The following ANKRD44 variants were observed in gnomAD, a reference collection of about 807,000 sequenced individuals.
ANKRD44 encodes the protein serine/threonine-protein phosphatase 6 regulatory ankyrin repeat subunit B.
Under a neutral mutation model 116.0 loss-of-function variants are expected in ANKRD44, and 35 were observed. The observed-to-expected ratio is 0.30, with a 90% CI of 0.23 to 0.40. ANKRD44 has a LOEUF of 0.40. ANKRD44 is among the 10% of genes least tolerant of loss of function. ANKRD44 has a pLI of 1.00. For missense variants in ANKRD44, 1,014 were observed against 1,242.6 expected, an observed-to-expected ratio of 0.82 and a Z score of 2.77; for synonymous variants, 435 against 461.8, an observed-to-expected ratio of 0.94 and a Z score of 0.74.
rs1268575633 is a variant in ANKRD44, at chr2:196,988,780, A to T, written c.*811T>A. 4 of 985,220 alleles carry T rather than the reference A, an allele frequency of 4.1e-6. No individual in the cohort carries two copies. Among genetic ancestry groups the T allele is most frequent in the East Asian group, 1.1e-4 (1 of 8,824 alleles). The allele number at this position is 985,220 out of a possible 1,614,324, so 61.0% of individuals were successfully genotyped here. Reference sequence around the variant, plus strand: ...GTAGAAAATAGCACTTGAGCTGGTGATTTTTATTTCTCCTTTTGGCACATG... The same window carrying T: ...GTAGAAAATAGCACTTGAGCTGGTGTTTTTTATTTCTCCTTTTGGCACATG... On this transcript the variant is annotated 3_prime_UTR_variant, in exon 28 of 28. Transcript: ENST00000282272.
intron 17 of ANKRD44, among the ~76,000 whole-genome samples, chr2:197,020,903 C>G (rs1339817696): frequency 6.6e-6 from 1 of 151,774 alleles, no homozygotes. Flanking sequence ...CACCCATTAA[C>G]TCTTCATTTA....
chr2:197,151,435 C>T (rs898174907), intron 2 of ANKRD44, among the ~76,000 whole-genome samples: 1 of 152,152 alleles, frequency 6.6e-6, no homozygotes, highest in African/African-American at 2.4e-5. Context: ...AACACCCCCA[C>T]TATTTTTGAA....
At chr2:197,090,356 G>C (rs147283932) in intron 10 of ANKRD44, among the ~76,000 whole-genome samples, 111 of 152,228 alleles carry the variant, frequency 7.3e-4, no homozygotes, top group Middle Eastern at 6.8e-3. Flanking sequence ...CTTGGTGATT[G>C]TATGTCTCAT....
At chr2:196,996,797 G>A (rs1275004784) in intron 25 of ANKRD44, among the ~76,000 whole-genome samples, 9 of 151,668 alleles carry the variant, frequency 5.9e-5, no homozygotes, top group African/African-American at 1.9e-4. Context: ...CCAGCTACTC[G>A]GGTGGCTGAG....
chr2:197,310,033 C>G (rs968273404), intron 1 of ANKRD44, among the ~76,000 whole-genome samples: 1 of 152,244 alleles, frequency 6.6e-6, no homozygotes, highest in Admixed American at 6.5e-5. Context: ...GGGTCCCCAT[C>G]CCGCACCACG....
In ANKRD44 at chr2:197,008,964, A is replaced by G. The variant is rs182475318; in HGVS notation, c.1992T>C (p.Asp664=). 6 of 1,614,172 alleles carry G rather than the reference A, an allele frequency of 3.7e-6. No individual in the cohort carries two copies. In the Admixed American group the frequency reaches 6.7e-5, roughly 18 times the overall value. ...LEIADNPEAV[D]VKDAKGQTPL... is the part of the protein sequence containing the mutation. ...CTTACTGTCCTTTGGCATCTTTCAC[A>G]TCGACCGCCTCCGGGTTGTCTGCAA... The change falls in exon 19 of 28, where the codon GAT becomes GAC. Residue 664 remains aspartate (D), a synonymous_variant. Transcript: ENST00000282272.
chr2:197,265,515 G>T (rs2082719964), intron 1 of ANKRD44, among the ~76,000 whole-genome samples: 2 of 152,218 alleles, frequency 1.3e-5, no homozygotes, highest in South Asian at 4.1e-4. Flanking sequence ...CCAAAGTGCT[G>T]GGATTACAGG....
At chr2:197,278,921 G>C (rs1331713802) in intron 1 of ANKRD44, among the ~76,000 whole-genome samples, 1 of 152,206 alleles carries the variant, frequency 6.6e-6, no homozygotes, top group African/African-American at 2.4e-5. Flanking sequence ...AGTCAGAGAA[G>C]AATCCCTCCA....
intron 16 of ANKRD44, among the ~76,000 whole-genome samples, chr2:197,066,289 T>G (rs1026474001): frequency 1.3e-5 from 2 of 152,150 alleles, no homozygotes; most frequent in Admixed American, 1.3e-4. Context: ...GGGACATATC[T>G]CAAAATATTA....
At chr2:197,146,278 A>AT (rs1182076563) in intron 3 of ANKRD44, among the ~76,000 whole-genome samples, 1 of 152,166 alleles carries the variant, frequency 6.6e-6, no homozygotes, top group East Asian at 1.9e-4. Flanking sequence ...CCCTGAAGAC[A>AT]TTTTTTACTT....
chr2:197,273,350 A>T (rs2082953444), intron 1 of ANKRD44, among the ~76,000 whole-genome samples: 1 of 152,246 alleles, frequency 6.6e-6, no homozygotes, highest in Non-Finnish European at 1.5e-5. Flanking sequence ...AAGCAATTCA[A>T]AGAAAAGAAA....
At chr2:197,193,636 T>C (rs1181958067) in intron 1 of ANKRD44, among the ~76,000 whole-genome samples, 1 of 152,046 alleles carries the variant, frequency 6.6e-6, no homozygotes, top group Admixed American at 6.5e-5. Flanking sequence ...TCCCAGCACT[T>C]TGGGAGGCCG....
At chr2:197,204,586 G>C (rs1335095679) in intron 1 of ANKRD44, among the ~76,000 whole-genome samples, 1 of 152,100 alleles carries the variant, frequency 6.6e-6, no homozygotes, top group Non-Finnish European at 1.5e-5. Context: ...TAAAATTGTG[G>C]CTCCAGATCT....
intron 16 of ANKRD44, among the ~76,000 whole-genome samples, chr2:197,067,857 C>T (rs1156398666): frequency 1.5e-5 from 2 of 134,904 alleles, no homozygotes; most frequent in African/African-American, 5.6e-5. Flanking sequence ...CATCCCATTA[C>T]TGGGTATATA....
chr2:197,214,561 G>C (rs1195962706), intron 1 of ANKRD44, among the ~76,000 whole-genome samples: 1 of 152,158 alleles, frequency 6.6e-6, no homozygotes, highest in Non-Finnish European at 1.5e-5. Flanking sequence ...TTAGTGATTA[G>C]ATTACAAGTT....
intron 15 of ANKRD44, among the ~76,000 whole-genome samples, chr2:197,079,804 C>CT (rs35828191): frequency 0.19 from 28,102 of 151,872 alleles, 2,629 homozygotes; most frequent in African/African-American, 0.22. Flanking sequence ...TACCCAAAAA[C>CT]TATAAATAGC....
At chr2:197,013,407 T>C in intron 18 of ANKRD44, 104 bp downstream of exon 18, 4 of 1,289,610 alleles carry the variant, frequency 3.1e-6, no homozygotes, top group Admixed American at 2.1e-5. Flanking sequence ...GGAAAGAAAA[T>C]TGATATTTAA....
chr2:197,232,777 C>G (rs1574325042), intron 1 of ANKRD44, among the ~76,000 whole-genome samples: 1 of 152,140 alleles, frequency 6.6e-6, no homozygotes, highest in Non-Finnish European at 1.5e-5. Context: ...CCCCTTCTCG[C>G]CTCATTTATT....
In ANKRD44 at chr2:197,078,709, C is replaced by T. The variant is rs146996314; in HGVS notation, c.1644G>A (p.Leu548=). 2.5e-5 allele frequency: 40 copies of T among 1,608,800 alleles called. No individual in the cohort carries two copies. In the African/African-American group the frequency reaches 3.9e-4, roughly 16 times the overall value. The change falls in exon 16 of 28, where the codon CTG becomes CTA. Residue 548 remains leucine, a synonymous_variant. Transcript: ENST00000282272. The part of the protein sequence containing the change: ...YAAAYGHRQC[L]ELLLERTNSG... ...ACAAAACAAAACAACTCACCAATTC[C>T]AGACACTGCCTGTGCCCATAGGCGG... is the stretch of plus-strand genomic sequence containing the variant.
Sources: gnomAD v4.1 joint callset for allele counts (sites outside exome capture counted in the v4.1 genomes callset) on GRCh38, gnomAD v4.1.1 for gene constraint, MANE v1.5 for transcripts, NCBI Gene and HGNC (gene_info 2026-07-23, HGNC 2026-07-21) for gene names.